Variants in NRCAM observed in about 807,000 individuals in gnomAD.
The protein encoded by NRCAM is neuronal cell adhesion molecule.
In NRCAM, 83 loss-of-function variants were observed where a neutral mutation model predicts 156.5. That is an observed-to-expected ratio of 0.53 (90% CI 0.44 to 0.64). The LOEUF (loss-of-function observed/expected upper bound fraction) is 0.64, where lower values mean the gene tolerates loss of function less well. Ranked by LOEUF, NRCAM falls within the 30% of genes least tolerant of loss-of-function variation. The pLI, the probability that NRCAM is intolerant of heterozygous loss-of-function variation, is 0.00. For synonymous variants in NRCAM, 538 were observed against 563.9 expected (o/e 0.95, Z 0.65); for missense variants, 1,417 against 1,597.3 (o/e 0.89, Z 1.92).
At chr7:108,383,061 C>T (rs1167285332) in intron 2 of NRCAM, among the ~76,000 whole-genome samples, 2 of 152,072 alleles carry the variant, frequency 1.3e-5, no homozygotes. Flanking sequence ...CAGTGTCCTG[C>T]AGAGGCTCTG....
intron 2 of NRCAM, among the ~76,000 whole-genome samples, chr7:108,352,705 T>G (rs2099425965): frequency 6.6e-6 from 1 of 152,210 alleles, no homozygotes; most frequent in South Asian, 2.1e-4. Flanking sequence ...AAAATCAACT[T>G]TCATTCCCAC....
intron 3 of NRCAM, among the ~76,000 whole-genome samples, chr7:108,309,645 C>T (rs1054021395): frequency 6.6e-6 from 1 of 152,206 alleles, no homozygotes; most frequent in South Asian, 2.1e-4. Flanking sequence ...TCACTTGAGG[C>T]CAGGAGCTCA....
intron 25 of NRCAM, among the ~76,000 whole-genome samples, chr7:108,179,274 T>C (rs768197678): frequency 2.3e-4 from 35 of 152,164 alleles, no homozygotes; most frequent in Non-Finnish European, 3.8e-4. Context: ...GGAAGAGCCC[T>C]GACTCTCTAA....
At chr7:108,178,481 G>C in intron 25 of NRCAM, 1 of 342,782 alleles carries the variant, frequency 2.9e-6, no homozygotes, top group Non-Finnish European at 5.6e-6. Context: ...CTGAGTGGAA[G>C]CAGCTGTGTT....
At chr7:108,455,760 C>G (rs192708403) in intron 1 of NRCAM, among the ~76,000 whole-genome samples, 1,594 of 152,298 alleles carry the variant, frequency 0.01, 31 homozygotes, top group African/African-American at 0.036. Context: ...CGTGCGCTCC[C>G]GGCCCGGCCC....
At chr7:108,453,372 C>T (rs915419715) in intron 1 of NRCAM, among the ~76,000 whole-genome samples, 2 of 152,206 alleles carry the variant, frequency 1.3e-5, no homozygotes, top group African/African-American at 4.8e-5. Flanking sequence ...CCCCCTCACA[C>T]TTCTGAAGCA....
intron 1 of NRCAM, among the ~76,000 whole-genome samples, chr7:108,410,028 CA>C (rs1596891744): frequency 2.0e-5 from 3 of 152,048 alleles, no homozygotes; most frequent in African/African-American, 7.2e-5. Context: ...TAAATCATTA[CA>C]AAAAGAAGAA....
At chr7:108,455,856 G>A (rs1375932940) in intron 1 of NRCAM, among the ~76,000 whole-genome samples, 1 of 152,144 alleles carries the variant, frequency 6.6e-6, no homozygotes, top group Admixed American at 6.5e-5. Flanking sequence ...CGGGCCCGCA[G>A]GCTCTCCATG....
chr7:108,298,360 A>G (rs2098496502), intron 3 of NRCAM, among the ~76,000 whole-genome samples: 1 of 151,958 alleles, frequency 6.6e-6, no homozygotes, highest in African/African-American at 2.4e-5. Context: ...CCGCCAAAAA[A>G]ACCCGCAGGG....
intron 2 of NRCAM, among the ~76,000 whole-genome samples, chr7:108,391,254 C>T (rs1178257162): frequency 1.3e-5 from 2 of 152,186 alleles, no homozygotes; most frequent in South Asian, 2.1e-4. Flanking sequence ...AATCTGGGTG[C>T]TCCTGTATTG....
At chr7:108,379,023 G>A (rs2099689508) in intron 2 of NRCAM, among the ~76,000 whole-genome samples, 1 of 152,092 alleles carries the variant, frequency 6.6e-6, no homozygotes, top group Non-Finnish European at 1.5e-5. Flanking sequence ...GACTGGTAGT[G>A]CTTCTGACTC....
intron 13 of NRCAM, 45 bp downstream of exon 13, chr7:108,207,483 T>C: frequency 6.3e-7 from 1 of 1,596,098 alleles, no homozygotes; most frequent in South Asian, 1.1e-5. Flanking sequence ...GATGTATATA[T>C]GCTCTGAAAA....
intron 2 of NRCAM, among the ~76,000 whole-genome samples, chr7:108,385,557 T>C (rs1215539618): frequency 2.0e-5 from 3 of 152,238 alleles, no homozygotes; most frequent in Non-Finnish European, 2.9e-5. Flanking sequence ...TTAGTCGTCC[T>C]GCACACAGTG....
At position 108,312,729 on chromosome 7, in the gene NRCAM, G is replaced by C. The variant is rs2098819263; in HGVS notation, c.-171C>G. The C allele has an allele frequency of 6.6e-6, 1 of 152,064 alleles. No individual in the cohort carries two copies. 9.4% of individuals were successfully genotyped at this position (152,064 alleles called of 1,614,324 possible). A position where few individuals can be genotyped will look rare whatever the true frequency, so the allele number is the denominator to read the frequency against. ...TTAAACCAAACGTCTTCTTAGCATT[G>C]CTCTGTGGGTTAAAAAATGGGAGAA... On this transcript the variant is annotated splice_region_variant and 5_prime_UTR_variant, in exon 3 of 33. Coordinates refer to ENST00000379028, the MANE Select transcript of NRCAM (RefSeq NM_001037132.4).
chr7:108,160,911 C>T (rs2048530432), intron 30 of NRCAM, among the ~76,000 whole-genome samples: 1 of 152,166 alleles, frequency 6.6e-6, no homozygotes, highest in Non-Finnish European at 1.5e-5. Context: ...TGAGTATTTT[C>T]TCTTCAAAGG....
chr7:108,426,330 C>G (rs146163858), intron 1 of NRCAM, among the ~76,000 whole-genome samples: 128 of 152,362 alleles, frequency 8.4e-4, no homozygotes, highest in African/African-American at 2.9e-3. Flanking sequence ...CATTACTGTG[C>G]TCTAGGCACA....
chr7:108,197,911 G>A (rs2075994787), intron 14 of NRCAM, 45 bp downstream of exon 14: 2 of 1,456,804 alleles, frequency 1.4e-6, no homozygotes, highest in South Asian at 2.8e-5. Flanking sequence ...AATAACAGCA[G>A]TCATTAATTT....
intron 1 of NRCAM, among the ~76,000 whole-genome samples, chr7:108,399,863 A>G (rs1401042464): frequency 6.6e-6 from 1 of 152,212 alleles, no homozygotes; most frequent in African/African-American, 2.4e-5. Context: ...ATTACCCCTA[A>G]ATAGCAGGAA....
chr7:108,360,765 GGT>G (rs2099545028), intron 2 of NRCAM, among the ~76,000 whole-genome samples: 1 of 152,092 alleles, frequency 6.6e-6, no homozygotes, highest in Non-Finnish European at 1.5e-5. Context: ...TTCAACAAAT[GGT>G]GTTGGGATAA....
Sources: allele counts gnomAD v4.1 joint callset (sites outside exome capture counted in the v4.1 genomes callset), GRCh38; gene constraint gnomAD v4.1.1; transcripts MANE v1.5; gene names NCBI Gene and HGNC (gene_info 2026-07-23, HGNC 2026-07-21).